ZSCAN25: variants seen among roughly 807,000 people sequenced by gnomAD.
The protein encoded by ZSCAN25 is zinc finger and SCAN domain-containing protein 25.
In ZSCAN25, 27 loss-of-function variants were observed where a neutral mutation model predicts 38.7. The ratio of observed to expected loss-of-function variants is 0.70; its 90% CI spans 0.51 to 0.96. ZSCAN25 has a LOEUF of 0.96. Ranked by LOEUF, ZSCAN25 falls within the 40% of genes least tolerant of loss-of-function variation. The pLI, the probability that ZSCAN25 is intolerant of heterozygous loss-of-function variation, is 0.00. For missense variants in ZSCAN25, 637 were observed against 705.9 expected, an observed-to-expected ratio of 0.90 and a Z score of 1.11; for synonymous variants, 273 against 277.7, an observed-to-expected ratio of 0.98 and a Z score of 0.17.
the ZSCAN25 span, among the ~76,000 whole-genome samples, chr7:99,655,139 A>T: frequency 1.3e-5 from 2 of 152,224 alleles, no homozygotes; most frequent in African/African-American, 4.8e-5. Context: ...TGTTTTAGAC[A>T]TGAAGTCCTT....
chr7:99,641,009 C>T, the ZSCAN25 span, among the ~76,000 whole-genome samples: 1 of 152,144 alleles, frequency 6.6e-6, no homozygotes, highest in African/African-American at 2.4e-5. Context: ...CCAAGAGCTT[C>T]ATGTTTTCCC....
the ZSCAN25 span, chr7:99,650,033 T>TA: frequency 6.2e-7 from 1 of 1,609,222 alleles, no homozygotes; most frequent in Admixed American, 1.7e-5. Context: ...ACCCTTCAGT[T>TA]AAAAAAATTC....
chr7:99,703,863 A>G, the ZSCAN25 span, among the ~76,000 whole-genome samples: 1 of 150,682 alleles, frequency 6.6e-6, no homozygotes, highest in African/African-American at 2.4e-5. Context: ...GCTTGCTTGG[A>G]CTCCCACACC....
At chr7:99,673,177 A>G in the ZSCAN25 span, among the ~76,000 whole-genome samples, 1 of 152,312 alleles carries the variant, frequency 6.6e-6, no homozygotes, top group Admixed American at 6.5e-5. Flanking sequence ...TCATCTGTCT[A>G]CTAAGTCATG....
At chr7:99,663,178 C>G in the ZSCAN25 span, 2 of 1,130,518 alleles carry the variant, frequency 1.8e-6, no homozygotes, top group Non-Finnish European at 2.2e-6. Context: ...AAAGAGTTGC[C>G]GGTTCCATCT....
At chr7:99,622,314 G>C (rs550757090) in intron 5 of ZSCAN25, 2 of 558,060 alleles carry the variant, frequency 3.6e-6, no homozygotes, top group East Asian at 3.2e-5. Context: ...GGACAGGGCC[G>C]GGACAATCTT....
chr7:99,691,457 CCTT>C, the ZSCAN25 span, among the ~76,000 whole-genome samples: 1 of 151,802 alleles, frequency 6.6e-6, no homozygotes, highest in African/African-American at 2.4e-5. Flanking sequence ...ATAAAATAAA[CCTT>C]CTGTCTCATT....
the ZSCAN25 span, chr7:99,699,927 A>G: frequency 2.1e-6 from 3 of 1,415,386 alleles, no homozygotes; most frequent in East Asian, 4.6e-5. Context: ...CCCCAAGTCC[A>G]AGTTAACAGA....
chr7:99,675,638 T>C, the ZSCAN25 span, among the ~76,000 whole-genome samples: 3 of 2,858 alleles, frequency 1.0e-3, no homozygotes, highest in Non-Finnish European at 2.1e-3. Context: ...TCTCCTCTCC[T>C]CTCCTCCCCC....
chr7:99,678,599 AAATACTGAAC>A, the ZSCAN25 span, among the ~76,000 whole-genome samples: 2 of 152,264 alleles, frequency 1.3e-5, no homozygotes, highest in Non-Finnish European at 2.9e-5. Flanking sequence ...TTATTGTCAC[AAATACTGAAC>A]TAACAGCCCT....
At chr7:99,722,012 A>C in the ZSCAN25 span, among the ~76,000 whole-genome samples, 2 of 152,330 alleles carry the variant, frequency 1.3e-5, no homozygotes, top group South Asian at 2.1e-4. Context: ...GTGAAGGAGA[A>C]CTATTTCAAA....
intron 7 of ZSCAN25, among the ~76,000 whole-genome samples, chr7:99,624,887 T>C (rs1807336261): frequency 6.6e-6 from 1 of 152,220 alleles, no homozygotes; most frequent in Non-Finnish European, 1.5e-5. Flanking sequence ...TCTGCATGCG[T>C]GGAATCAGGA....
chr7:99,619,417 A>G (rs1798932297), intron 3 of ZSCAN25, 144 bp from the exon 4 acceptor site: 1 of 640,084 alleles, frequency 1.6e-6, no homozygotes, highest in African/African-American at 1.8e-5. Flanking sequence ...ACTATGTTGA[A>G]TTGACCTGAC....
At chr7:99,685,314 A>T in the ZSCAN25 span, 3 of 1,561,730 alleles carry the variant, frequency 1.9e-6, no homozygotes, top group Non-Finnish European at 2.6e-6. Context: ...TAAACAAAAA[A>T]TGTATTGCTG....
At chr7:99,697,321 G>A in the ZSCAN25 span, among the ~76,000 whole-genome samples, 1 of 152,126 alleles carries the variant, frequency 6.6e-6, no homozygotes, top group Non-Finnish European at 1.5e-5. Flanking sequence ...GACCTTCCCA[G>A]TCTGATGTTA....
At position 99,631,347 on chromosome 7, in the gene ZSCAN25, A is replaced by G. The variant is rs1807983198; in HGVS notation, c.*1327A>G. The G allele has an allele frequency of 1.0e-6, 1 of 984,518 alleles. No homozygotes were observed. Among genetic ancestry groups the G allele is most frequent in the Non-Finnish European group, 1.2e-6 (1 of 829,730 alleles). 61.0% of individuals were successfully genotyped at this position (984,518 alleles called of 1,614,324 possible). A position where few individuals can be genotyped will look rare whatever the true frequency, so the allele number is the denominator to read the frequency against. On this transcript the variant is annotated 3_prime_UTR_variant, in exon 8 of 8. Transcript: ENST00000394152. ...AGTCAGGAAAAATAAAGATATTTGT[A>G]GGCATTAAAAAAAAATACATTTCTT...
At position 99,629,731 on chromosome 7, in the gene ZSCAN25, A is replaced by G; in HGVS notation, c.1346A>G (p.His449Arg). ...SFSRRQHLQV[H>R]RRTHTGEKPY... is the part of the protein sequence containing the mutation. Reference sequence around the variant, plus strand: ...AGCCGCAGGCAGCACCTGCAGGTGCACCGGAGGACGCACACCGGGGAGAAG... The same window carrying G: ...AGCCGCAGGCAGCACCTGCAGGTGCGCCGGAGGACGCACACCGGGGAGAAG... Residue 449 changes from histidine to arginine, a missense_variant, in exon 8 of 8, where the codon CAC becomes CGC. His to Arg is a conservative substitution (Grantham distance 29, BLOSUM62 0). Transcript: ENST00000394152. The surrounding 1 kb of genome is among the most constrained non-coding windows in gnomAD (Gnocchi z 5.6). 1 of 1,614,168 alleles carries G rather than the reference A, an allele frequency of 6.2e-7. No individual in the cohort carries two copies. Among genetic ancestry groups the G allele is most frequent in the East Asian group, 2.2e-5 (1 of 44,876 alleles).
the ZSCAN25 span, among the ~76,000 whole-genome samples, chr7:99,701,122 G>C: frequency 6.6e-6 from 1 of 152,154 alleles, no homozygotes; most frequent in African/African-American, 2.4e-5. Context: ...CCTGTACTTA[G>C]GGTACAAAAT....
chr7:99,622,385 C>T, intron 5 of ZSCAN25, 164 bp from the exon 6 acceptor site: 2 of 706,538 alleles, frequency 2.8e-6, no homozygotes, highest in South Asian at 3.0e-5. Context: ...GACACCCAGG[C>T]CCCTGTGCAT....
Sources: allele counts gnomAD v4.1 joint callset (sites outside exome capture counted in the v4.1 genomes callset), GRCh38; gene constraint gnomAD v4.1.1; non-coding constraint Gnocchi (gnomAD v3.1); transcripts MANE v1.5; gene names NCBI Gene and HGNC (gene_info 2026-07-23, HGNC 2026-07-21).